The following PIEZO1 variants were observed in gnomAD, a reference collection of about 807,000 sequenced individuals.
The protein encoded by PIEZO1 is piezo-type mechanosensitive ion channel component 1.
Under a neutral mutation model 297.2 loss-of-function variants are expected in PIEZO1, and 296 were observed. The observed-to-expected ratio is 1.00, with a 90% CI of 0.91 to 1.10. PIEZO1 has a LOEUF of 1.10. Ranked by LOEUF, PIEZO1 falls within the 50% of genes least tolerant of loss-of-function variation. The probability of loss-of-function intolerance (pLI) is 0.00; values close to 1 mark genes in which losing one functional copy is unlikely to be tolerated. For synonymous variants in PIEZO1, 2,427 were observed against 1,507.5 expected, an observed-to-expected ratio of 1.61 and a Z score of -14.13; for missense variants, 5,018 against 3,455.5, an observed-to-expected ratio of 1.45 and a Z score of -11.34.
rs1256893786 is a variant in PIEZO1, at chr16:88,733,847, C to T, written c.2329+59G>A. 16 of 1,461,482 alleles carry T rather than the reference C, an allele frequency of 1.1e-5. No homozygotes were observed. In the Middle Eastern group the frequency reaches 7.1e-4, roughly 65 times the overall value. 90.5% of individuals were successfully genotyped at this position (1,461,482 alleles called of 1,614,324 possible). On this transcript the variant is annotated intron_variant, in intron 17 of 50. Transcript: ENST00000301015. ...CAGAGGGGACTCTGCCAACGCCCCCCGAGCTGGGACATGGCACAGCAGACT... is the reference window on the plus strand; with the variant it reads ...CAGAGGGGACTCTGCCAACGCCCCCTGAGCTGGGACATGGCACAGCAGACT...
intron 1 of PIEZO1, among the ~76,000 whole-genome samples, chr16:88,769,544 C>T (rs1387269143): frequency 6.6e-6 from 1 of 152,222 alleles, no homozygotes; most frequent in African/African-American, 2.4e-5. Context: ...GGACCGGTCC[C>T]GCCTCCTCTC....
chr16:88,736,694 C>G lies in PIEZO1; in HGVS notation c.1241G>C (p.Ser414Thr). ...AEPREASPLHSLGHLIMDQSY... is the reference protein window; with the variant it reads ...AEPREASPLHTLGHLIMDQSY... ...CTGGTCCATGATGAGGTGGCCCAGG[C>G]TGTGGAGCGGAGACGCCTCCCTGGG... The change falls in exon 11 of 51, where the codon AGC becomes ACC. Residue 414 changes from serine (S) to threonine (T), a missense_variant. Coordinates refer to ENST00000301015, the MANE Select transcript of PIEZO1 (RefSeq NM_001142864.4). 1 of 1,533,016 alleles carries G rather than the reference C, an allele frequency of 6.5e-7. No homozygotes were observed. Among genetic ancestry groups the G allele is most frequent in the Non-Finnish European group, 8.7e-7 (1 of 1,145,690 alleles). The allele number at this position is 1,533,016 out of a possible 1,614,324, so 95.0% of individuals were successfully genotyped here. A position where few individuals can be genotyped will look rare whatever the true frequency, so the allele number is the denominator to read the frequency against.
chr16:88,722,155 C>G (rs1904284023), intron 36 of PIEZO1, 63 bp downstream of exon 36: 1 of 1,522,844 alleles, frequency 6.6e-7, no homozygotes, highest in African/African-American at 1.4e-5. Context: ...CAGTCTCCTG[C>G]CCCTGTTCGG....
At chr16:88,749,050 T>A (rs11643820) in intron 2 of PIEZO1, among the ~76,000 whole-genome samples, 146,389 of 150,664 alleles carry the variant, frequency 0.97, 71,133 homozygotes, top group East Asian at 1. Flanking sequence ...ATCCTGGCTA[T>A]CACGGTGAAA....
intron 21 of PIEZO1, 130 bp downstream of exon 21, chr16:88,732,205 T>G (rs768920918): frequency 1.9e-5 from 14 of 751,908 alleles, no homozygotes; most frequent in African/African-American, 5.2e-5. Flanking sequence ...TGCCTGGCCC[T>G]GAGTCCCCCA....
rs555451320 is a variant in PIEZO1 at position 88,759,334 on chromosome 16, C to T, written c.65-9855G>A. On this transcript the variant is annotated intron_variant, in intron 1 of 50. Transcript: ENST00000301015. ...GAGCATGGGAAGCTCTGAAAGGGGC[C>T]GGGTGAGGGCAGGCGAGGATCAGAG... Among the ~76,000 whole-genome samples the T allele has an allele frequency of 8.5e-5, 13 of 152,284 alleles. No homozygotes were observed. In the South Asian group the frequency reaches 2.1e-3, roughly 24 times the overall value.
Position 88,717,199 on chromosome 16 carries a change from G to C in PIEZO1, c.6484C>G (p.Pro2162Ala). The change falls in exon 45 of 51, where the codon CCC (proline) becomes GCC (alanine). Residue 2162 changes from proline to alanine, a missense_variant. Pro to Ala is a conservative substitution (Grantham distance 27). Coordinates refer to ENST00000301015, the MANE Select transcript of PIEZO1 (RefSeq NM_001142864.4). ...SRETEKKYPQ[P>A]KGQKKKKIVK... Reference sequence around the variant, plus strand: ...ATCTTCTTCTTCTTCTGCCCTTTGGGCTGCGGGTATTTCTGGAGGGGAACG... The same window carrying C: ...ATCTTCTTCTTCTTCTGCCCTTTGGCCTGCGGGTATTTCTGGAGGGGAACG... The C allele has an allele frequency of 6.5e-7, 1 of 1,549,356 alleles. No homozygotes were observed. Among genetic ancestry groups the C allele is most frequent in the Non-Finnish European group, 8.7e-7 (1 of 1,146,996 alleles).
chr16:88,737,695 C>A, intron 9 of PIEZO1, 33 bp downstream of exon 9: 2 of 1,533,838 alleles, frequency 1.3e-6, no homozygotes, highest in South Asian at 1.2e-5. Flanking sequence ...GGGCGCCCCC[C>A]ACGCTGGCGT....
chr16:88,766,653 C>T (rs1055930966), intron 1 of PIEZO1, among the ~76,000 whole-genome samples: 3 of 152,196 alleles, frequency 2.0e-5, no homozygotes, highest in Non-Finnish European at 2.9e-5. Context: ...AGTGGGACGC[C>T]GGGGGCCCCC....
intron 2 of PIEZO1, among the ~76,000 whole-genome samples, chr16:88,747,081 C>T (rs1906100305): frequency 1.3e-5 from 2 of 152,208 alleles, no homozygotes; most frequent in Admixed American, 1.3e-4. Flanking sequence ...AGATCAGTGC[C>T]TGCGCTGGGC....
chr16:88,733,949 C>G lies in PIEZO1; in HGVS notation c.2286G>C (p.Gly762=), dbSNP rs1232010205. 6.5e-7 allele frequency: 1 copy of G among 1,546,494 alleles called. No individual in the cohort carries two copies. Among genetic ancestry groups the G allele is most frequent in the Non-Finnish European group, 8.7e-7 (1 of 1,144,786 alleles). The change falls in exon 17 of 51, where the codon GGG becomes GGC. Residue 762 remains glycine (G), a synonymous_variant. Coordinates refer to ENST00000301015, the MANE Select transcript of PIEZO1 (RefSeq NM_001142864.4). ...CCTGGTGGGGAGTGGCCACGCCCAG[C>G]CCCTCGTCCCTGGAGTCCTCCTCCT... ...EEEEEDSRDE[G]LGVATPHQAT... is the part of the protein sequence containing the mutation.
Position 88,737,300 on chromosome 16 carries a change from A to G in PIEZO1, c.1195+259T>C. ...GGGTTGGGGGACCTGGAGGCCCCCCATGGGGTCTTGGGGATCAACGACGCG... is the reference window on the plus strand; with the variant it reads ...GGGTTGGGGGACCTGGAGGCCCCCCGTGGGGTCTTGGGGATCAACGACGCG... On this transcript the variant is annotated intron_variant, in intron 10 of 50. Coordinates refer to ENST00000301015, the MANE Select transcript of PIEZO1 (RefSeq NM_001142864.4). 4 of 439,496 alleles carry G rather than the reference A, an allele frequency of 9.1e-6. No individual in the cohort carries two copies. The South Asian group carries it at 9.7e-5, about 11-fold the overall frequency. 27.2% of individuals were successfully genotyped at this position (439,496 alleles called of 1,614,324 possible).
Position 88,715,845 on chromosome 16 carries a change from C to G in PIEZO1, c.7326G>C (p.Gly2442=). Residue 2442 remains glycine (G), a synonymous_variant, in exon 51 of 51, where the codon GGG becomes GGC. Coordinates refer to ENST00000301015, the MANE Select transcript of PIEZO1 (RefSeq NM_001142864.4). The part of the protein sequence containing the change: ...LGFLAGYGIM[G]LYVSIVLVIG... Reference sequence around the variant, plus strand: ...TGACCAGCACGATGGACACGTACAGCCCCATGATGCTGCGGGGGAAGCTGG... The same window carrying G: ...TGACCAGCACGATGGACACGTACAGGCCCATGATGCTGCGGGGGAAGCTGG... The G allele has an allele frequency of 6.5e-7, 1 of 1,549,800 alleles. No individual in the cohort carries two copies. The highest frequency in any genetic ancestry group is 8.7e-7 in the Non-Finnish European group (1 of 1,146,624).
In PIEZO1 at chr16:88,720,726, T is replaced by C. The variant is rs559738010; in HGVS notation, c.5691A>G (p.Glu1897=). 1 of 1,523,388 alleles carries C rather than the reference T, an allele frequency of 6.6e-7. No homozygotes were observed. The highest frequency in any genetic ancestry group is 2.2e-5 in the Admixed American group (1 of 45,776). The allele number at this position is 1,523,388 out of a possible 1,614,324, so 94.4% of individuals were successfully genotyped here. The change falls in exon 40 of 51, where the codon GAA becomes GAG. Residue 1897 remains glutamate (E), a synonymous_variant. Transcript: ENST00000301015. ...GGGCCTCTTTCTCTTCCTCCCCCTC[T>C]TCTTCCTCCCTGTCCTCAGCTTCTG... ...AAIEAEDREE[E]EGEEEKEAPT...
In PIEZO1 at chr16:88,737,730, G is replaced by C; in HGVS notation, c.1105C>G (p.Gln369Glu). 6.5e-7 allele frequency: 1 copy of C among 1,535,404 alleles called. No individual in the cohort carries two copies. The highest frequency in any genetic ancestry group is 1.2e-5 in the South Asian group (1 of 84,054). Residue 369 changes from glutamine to glutamate, a missense_variant and splice_region_variant, in exon 9 of 51, where the codon CAG (glutamine) becomes GAG (glutamate). Transcript: ENST00000301015. Reference sequence around the variant, plus strand: ...TCTCCACCTGCCTGGCTGCTCACCTGGTCAGACTCCCGTTCCTGGGGCCAC... The same window carrying C: ...TCTCCACCTGCCTGGCTGCTCACCTCGTCAGACTCCCGTTCCTGGGGCCAC... ...DQWPQERESD[Q>E]HVVPTAPDTE...
chr16:88,765,668 A>ATTTTTTTTT (rs397966717), intron 1 of PIEZO1, among the ~76,000 whole-genome samples: 8 of 131,738 alleles, frequency 6.1e-5, no homozygotes, highest in African/African-American at 2.3e-4. Context: ...GTTATCTCTA[A>ATTTTTTTTT]TTTTTTTTTT....
chr16:88,784,758 G>T (rs1908101227), intron 1 of PIEZO1, 143 bp downstream of exon 1: 1 of 511,890 alleles, frequency 2.0e-6, no homozygotes, highest in Non-Finnish European at 3.0e-6. Flanking sequence ...AGGAATGCGG[G>T]CGCCCGGGTC....
chr16:88,718,310 G>C (rs1224289674), intron 44 of PIEZO1: 1 of 152,704 alleles, frequency 6.5e-6, no homozygotes, highest in Non-Finnish European at 1.5e-5. Context: ...TGGTGGAGCT[G>C]CTATGGAAAA....
In PIEZO1 at chr16:88,726,152, A is replaced by G. The variant is rs1440747519; in HGVS notation, c.3968+132T>C. 2.1e-5 allele frequency: 15 copies of G among 718,116 alleles called. No individual in the cohort carries two copies. In the East Asian group the frequency reaches 4.1e-4, roughly 19 times the overall value. The allele number at this position is 718,116 out of a possible 1,614,324, so 44.5% of individuals were successfully genotyped here. A position where few individuals can be genotyped will look rare whatever the true frequency, so the allele number is the denominator to read the frequency against. On this transcript the variant is annotated intron_variant, in intron 27 of 50. Coordinates refer to ENST00000301015, the MANE Select transcript of PIEZO1 (RefSeq NM_001142864.4). ...CTGCCGGCCTTCATTCTCCCTCTAG[A>G]TGACACGCCCATGTCACAGAGTGGC...
Sources: allele counts gnomAD v4.1 joint callset (sites outside exome capture counted in the v4.1 genomes callset), GRCh38; gene constraint gnomAD v4.1.1; transcripts MANE v1.5; gene names NCBI Gene and HGNC (gene_info 2026-07-23, HGNC 2026-07-21).